The following FRMD4A variants were observed in gnomAD, a reference collection of about 807,000 sequenced individuals.
FRMD4A encodes the protein FERM domain-containing protein 4A.
A neutral mutation model predicts 129.1 loss-of-function variants in FRMD4A; 29 were observed. That is an observed-to-expected ratio of 0.22 (90% CI 0.17 to 0.31). The LOEUF is 0.31. Ranked by LOEUF, FRMD4A falls within the 10% of genes least tolerant of loss-of-function variation. The pLI is 1.00. For missense variants in FRMD4A, 1,272 were observed against 1,375.8 expected (o/e 0.92, Z 1.19); for synonymous variants, 634 against 571.6 (o/e 1.11, Z -1.56).
intron 2 of FRMD4A, among the ~76,000 whole-genome samples, chr10:13,965,505 C>T (rs980732327): frequency 1.3e-5 from 2 of 152,152 alleles, no homozygotes; most frequent in African/African-American, 4.8e-5. Context: ...ATTACAAAAG[C>T]ACCATATAAT....
intron 2 of FRMD4A, among the ~76,000 whole-genome samples, chr10:14,017,863 A>T (rs1418501317): frequency 6.6e-6 from 1 of 152,222 alleles, no homozygotes; most frequent in African/African-American, 2.4e-5. Flanking sequence ...TTGAAGCCTC[A>T]TGTCATGGGA....
rs570677357 is a variant in FRMD4A, at chr10:13,759,121, C to A, written c.464+2526G>T. 6.3e-4 allele frequency among the ~76,000 whole-genome samples: 96 copies of A among 152,260 alleles called. No homozygotes were observed. The Middle Eastern group carries it at 0.027, about 43-fold the overall frequency. On this transcript the variant is annotated intron_variant, in intron 8 of 24. Transcript: ENST00000357447. ...AGAGACTCCCATGTAACAAATCACC[C>A]CCACCGTCCATGGTGTAGGTTTTAG...
chr10:14,233,574 AAAAC>A (rs1433685176), intron 2 of FRMD4A, among the ~76,000 whole-genome samples: 24 of 152,332 alleles, frequency 1.6e-4, no homozygotes, highest in African/African-American at 5.5e-4. Flanking sequence ...ACTCCATCTC[AAAAC>A]AAACAAACAC....
intron 5 of FRMD4A, among the ~76,000 whole-genome samples, chr10:13,794,086 G>A (rs2093061635): frequency 6.6e-6 from 1 of 151,988 alleles, no homozygotes; most frequent in East Asian, 1.9e-4. Context: ...AGGAGGAGAG[G>A]GCAGTACAGA....
rs186318479 is a variant in FRMD4A at position 13,794,783 on chromosome 10, G to A, written c.299+1713C>T. Among the ~76,000 whole-genome samples the A allele has an allele frequency of 3.7e-4, 56 of 152,326 alleles. No homozygotes were observed. In the East Asian group the frequency reaches 5.6e-3, roughly 15 times the overall value. ...GACCATCAATGGTGATGGTGGAAGC[G>A]TCTATTATGGCTACGGATCAGAAGT... On this transcript the variant is annotated intron_variant, in intron 5 of 24. Transcript: ENST00000357447.
chr10:14,102,143 G>C (rs919124616), intron 2 of FRMD4A, among the ~76,000 whole-genome samples: 1 of 152,180 alleles, frequency 6.6e-6, no homozygotes, highest in African/African-American at 2.4e-5. Flanking sequence ...TAGATTGGAA[G>C]ATTCTTTCCT....
At chr10:14,014,293 C>T (rs868176914) in intron 2 of FRMD4A, among the ~76,000 whole-genome samples, 1 of 152,130 alleles carries the variant, frequency 6.6e-6, no homozygotes, top group African/African-American at 2.4e-5. Flanking sequence ...TTCCTAATAC[C>T]CTGACTCGAT....
At position 14,008,127 on chromosome 10, in the gene FRMD4A, G is replaced by A. The variant is rs536644917; in HGVS notation, c.46-149215C>T. 52 of 1,299,028 alleles carry A rather than the reference G, an allele frequency of 4.0e-5. No individual in the cohort carries two copies. In the South Asian group the frequency reaches 6.2e-4, roughly 15 times the overall value. The allele number at this position is 1,299,028 out of a possible 1,614,324, so 80.5% of individuals were successfully genotyped here. On this transcript the variant is annotated intron_variant, in intron 2 of 24. Transcript: ENST00000357447. ...CAGTAAAAGTCTTTGGGATCTATTC[G>A]GAGCCACTGCAGCCTGAACCACCAT...
rs143463813 is a variant in FRMD4A at position 14,309,372 on chromosome 10, C to T, written c.45+20686G>A. Reference sequence around the variant, plus strand: ...GGCTGAGGCGGGACAATCGCTTGAGCCAAGGAGGTCGAGGCTGCAGTGAGC... The same window carrying T: ...GGCTGAGGCGGGACAATCGCTTGAGTCAAGGAGGTCGAGGCTGCAGTGAGC... On this transcript the variant is annotated intron_variant, in intron 2 of 24. Coordinates refer to ENST00000357447, the MANE Select transcript of FRMD4A (RefSeq NM_018027.5). Among the ~76,000 whole-genome samples, 269 of 152,204 alleles carry T rather than the reference C, an allele frequency of 1.8e-3. 2 individuals carry two copies. Among genetic ancestry groups the T allele is most frequent in the African/African-American group, 6.4e-3 (264 of 41,508 alleles).
At chr10:13,711,413 G>T (rs2088005703) in intron 12 of FRMD4A, among the ~76,000 whole-genome samples, 1 of 152,232 alleles carries the variant, frequency 6.6e-6, no homozygotes, top group African/African-American at 2.4e-5. Flanking sequence ...AGCCCCGATG[G>T]TCTGCGCCAC....
At chr10:13,850,870 T>G (rs1366154256) in intron 3 of FRMD4A, among the ~76,000 whole-genome samples, 1 of 152,240 alleles carries the variant, frequency 6.6e-6, no homozygotes, top group Non-Finnish European at 1.5e-5. Context: ...TGGCACCTAC[T>G]TTACACAGTT....
intron 14 of FRMD4A, among the ~76,000 whole-genome samples, chr10:13,697,193 GC>G (rs1288450210): frequency 1.4e-5 from 2 of 138,826 alleles, no homozygotes; most frequent in African/African-American, 5.4e-5. Flanking sequence ...TCACACTGTT[GC>G]CTAGGCTGGG....
chr10:14,008,441 G>C, intron 2 of FRMD4A: 1 of 1,004,618 alleles, frequency 1.0e-6, no homozygotes, highest in Non-Finnish European at 1.2e-6. Context: ...TGCACAGCTG[G>C]CTCAGCGAGA....
chr10:13,899,178 A>T (rs997631331), intron 2 of FRMD4A, among the ~76,000 whole-genome samples: 7 of 151,962 alleles, frequency 4.6e-5, no homozygotes, highest in African/African-American at 1.7e-4. Flanking sequence ...AAAATAAAAT[A>T]AGCCTGATAA....
chr10:14,293,575 C>G (rs1008456120), intron 2 of FRMD4A, among the ~76,000 whole-genome samples: 2 of 151,846 alleles, frequency 1.3e-5, no homozygotes, highest in African/African-American at 4.8e-5. Context: ...TGTATTATCA[C>G]TTCACACTAT....
intron 2 of FRMD4A, among the ~76,000 whole-genome samples, chr10:14,278,700 A>G (rs1406307576): frequency 2.6e-5 from 4 of 152,164 alleles, no homozygotes; most frequent in African/African-American, 4.8e-5. Flanking sequence ...AATGGGGATC[A>G]TGCGTTTTCC....
At chr10:14,123,174 T>C (rs1024546835) in intron 2 of FRMD4A, among the ~76,000 whole-genome samples, 1 of 152,170 alleles carries the variant, frequency 6.6e-6, no homozygotes, top group African/African-American at 2.4e-5. Context: ...TGCATGACCC[T>C]TGCAAGTTGC....
chr10:14,173,896 C>G (rs1239281746), intron 2 of FRMD4A, among the ~76,000 whole-genome samples: 1 of 151,966 alleles, frequency 6.6e-6, no homozygotes, highest in Non-Finnish European at 1.5e-5. Flanking sequence ...GATCCAGTTG[C>G]AATCGCCAGC....
chr10:14,036,286 A>G (rs1428038405), intron 2 of FRMD4A, among the ~76,000 whole-genome samples: 1 of 152,120 alleles, frequency 6.6e-6, no homozygotes, highest in East Asian at 1.9e-4. Flanking sequence ...AAGATGAGTT[A>G]TTATGTTTCG....
Sources: allele counts gnomAD v4.1 joint callset (sites outside exome capture counted in the v4.1 genomes callset), GRCh38; gene constraint gnomAD v4.1.1; transcripts MANE v1.5; gene names NCBI Gene and HGNC (gene_info 2026-07-23, HGNC 2026-07-21).